CSGALNACT1: variants seen among roughly 807,000 people sequenced by gnomAD.
The protein encoded by CSGALNACT1 is beta4GalNAcT-1.
In CSGALNACT1, 52 loss-of-function variants were observed where a neutral mutation model predicts 51.0. That is an observed-to-expected ratio of 1.02 (90% confidence interval 0.82 to 1.29). CSGALNACT1 has a LOEUF of 1.29. Among genes scored for constraint, CSGALNACT1 ranks in the 50% most tolerant of loss-of-function variants. The pLI is 0.00. For missense variants in CSGALNACT1, 935 were observed against 679.2 expected (o/e 1.38, Z -4.19); for synonymous variants, 341 against 254.4 (o/e 1.34, Z -3.24).
chr8:19,660,258 A>G (rs969643896), intron 1 of CSGALNACT1, among the ~76,000 whole-genome samples: 1 of 152,234 alleles, frequency 6.6e-6, no homozygotes, highest in African/African-American at 2.4e-5. Flanking sequence ...AAAAAAGATG[A>G]GAGGATGGAG....
At chr8:19,607,154 C>CA (rs5889878), upstream of CSGALNACT1, among the ~76,000 whole-genome samples, 820 of 123,928 alleles carry the variant, frequency 6.6e-3, 4 homozygotes, top group Middle Eastern at 0.013. Flanking sequence ...GACTCCGTCT[C>CA]AAAAAAAAAA....
intron 4 of CSGALNACT1, among the ~76,000 whole-genome samples, chr8:19,498,485 C>T (rs2075857979): frequency 1.3e-5 from 2 of 152,196 alleles, no homozygotes; most frequent in Admixed American, 6.5e-5. Flanking sequence ...GCGCTCTTTG[C>T]CTGCCCATCT....
At chr8:19,504,813 T>C (rs2077006474) in intron 4 of CSGALNACT1, among the ~76,000 whole-genome samples, 1 of 152,204 alleles carries the variant, frequency 6.6e-6, no homozygotes, top group Non-Finnish European at 1.5e-5. Flanking sequence ...CTGGCACATG[T>C]AAGTGCAATA....
intron 4 of CSGALNACT1, among the ~76,000 whole-genome samples, chr8:19,463,315 C>G (rs1038879058): frequency 6.6e-6 from 1 of 152,120 alleles, no homozygotes. Flanking sequence ...TCTCTTGCAA[C>G]CTAAGTCCAG....
At chr8:19,586,865 A>G (rs1035345753) in intron 3 of CSGALNACT1, among the ~76,000 whole-genome samples, 1 of 152,204 alleles carries the variant, frequency 6.6e-6, no homozygotes, top group African/African-American at 2.4e-5. Context: ...ACCCTACCAG[A>G]GAGGAATCCA....
chr8:19,722,133 A>C (rs900066173), intron 1 of CSGALNACT1, among the ~76,000 whole-genome samples: 1 of 152,180 alleles, frequency 6.6e-6, no homozygotes, highest in African/African-American at 2.4e-5. Context: ...GCATTTAGTT[A>C]TCTATCTTTT....
intron 4 of CSGALNACT1, among the ~76,000 whole-genome samples, chr8:19,482,976 C>T (rs535101726): frequency 6.6e-6 from 1 of 152,286 alleles, no homozygotes; most frequent in East Asian, 1.9e-4. Context: ...TGAGCTTCAT[C>T]CTTCACACCT....
chr8:19,543,828 A>C lies in CSGALNACT1; in HGVS notation c.-296-37698T>G, dbSNP rs533698199. Among the ~76,000 whole-genome samples, 8 of 152,324 alleles carry C rather than the reference A, an allele frequency of 5.3e-5. No homozygotes were observed. In the South Asian group the frequency reaches 1.7e-3, roughly 32 times the overall value. The stretch of plus-strand genomic sequence containing the variant: ...AATGCTGATCCTGAGTCCTCCTAGT[A>C]GGACTCAAAATGTAGATGGCCTTGG... On this transcript the variant is annotated intron_variant, in intron 3 of 9. Transcript: ENST00000454498.
In CSGALNACT1 at chr8:19,547,139, G is replaced by A. The variant is rs80111181; in HGVS notation, c.-296-41009C>T. 8.4e-3 allele frequency among the ~76,000 whole-genome samples: 1,272 copies of A among 152,206 alleles called. 6 individuals are homozygous for A. The highest frequency in any genetic ancestry group is 0.013 in the Non-Finnish European group (887 of 68,008). On this transcript the variant is annotated intron_variant, in intron 3 of 9. Transcript: ENST00000454498. ...CAGCAAGAAAAAAAGGCCAGGACAC[G>A]AAGGGCTCCATGATGCCACAGGACA...
At chr8:19,513,434 CTCTATATATATATA>C in intron 3 of CSGALNACT1, among the ~76,000 whole-genome samples, 1 of 66,534 alleles carries the variant, frequency 1.5e-5, no homozygotes, top group East Asian at 8.7e-4. Context: ...CTCTCTCTCT[CTCTATATATATATA>C]TATATATATA....
At chr8:19,675,017 A>T (rs186870404) in intron 1 of CSGALNACT1, among the ~76,000 whole-genome samples, 75 of 152,296 alleles carry the variant, frequency 4.9e-4, no homozygotes, top group Admixed American at 1.1e-3. Context: ...TGCTCAATTG[A>T]CATCATCTAG....
At chr8:19,542,872 G>A (rs565835345) in intron 3 of CSGALNACT1, among the ~76,000 whole-genome samples, 1 of 152,102 alleles carries the variant, frequency 6.6e-6, no homozygotes, top group Non-Finnish European at 1.5e-5. Flanking sequence ...AGCATTTTAA[G>A]AAGCCCTTCT....
intron 3 of CSGALNACT1, among the ~76,000 whole-genome samples, chr8:19,566,335 C>T (rs1343851154): frequency 6.6e-6 from 1 of 151,500 alleles, no homozygotes; most frequent in Admixed American, 6.6e-5. Flanking sequence ...TTGTTCTCTC[C>T]TGGAGTCTTC....
At chr8:19,432,118 G>T (rs541495168) in intron 6 of CSGALNACT1, among the ~76,000 whole-genome samples, 17 of 152,192 alleles carry the variant, frequency 1.1e-4, no homozygotes, top group Middle Eastern at 3.4e-3. Flanking sequence ...TCCGCCCCAA[G>T]GACTCCTCTT....
chr8:19,511,306 C>G (rs146953343), intron 3 of CSGALNACT1, among the ~76,000 whole-genome samples: 3 of 152,308 alleles, frequency 2.0e-5, no homozygotes, highest in South Asian at 2.1e-4. Flanking sequence ...AGTGGTAGAC[C>G]AAAGCCCTAA....
intron 3 of CSGALNACT1, among the ~76,000 whole-genome samples, chr8:19,529,574 T>C (rs1412192270): frequency 6.6e-6 from 1 of 152,198 alleles, no homozygotes; most frequent in Admixed American, 6.5e-5. Flanking sequence ...GGAATAGTTA[T>C]CAAATACGTA....
chr8:19,413,149 T>C (rs1039243809), intron 8 of CSGALNACT1, among the ~76,000 whole-genome samples: 1 of 152,190 alleles, frequency 6.6e-6, no homozygotes, highest in African/African-American at 2.4e-5. Flanking sequence ...CTAGGTGTTT[T>C]CATAGAAAAC....
intron 3 of CSGALNACT1, among the ~76,000 whole-genome samples, chr8:19,544,724 A>C (rs2154075210): frequency 6.6e-6 from 1 of 152,318 alleles, no homozygotes; most frequent in South Asian, 2.1e-4. Flanking sequence ...TGAATTAATA[A>C]ACCTCTAGTA....
chr8:19,695,316 ATTCC>A (rs2061531256), intron 1 of CSGALNACT1, among the ~76,000 whole-genome samples: 4 of 152,150 alleles, frequency 2.6e-5, no homozygotes, highest in Non-Finnish European at 4.4e-5. Context: ...GGATGGTTTC[ATTCC>A]TGAAAGCCTA....
Sources: gnomAD v4.1 joint callset for allele counts (sites outside exome capture counted in the v4.1 genomes callset) on GRCh38, gnomAD v4.1.1 for gene constraint, MANE v1.5 for transcripts, NCBI Gene and HGNC (gene_info 2026-07-23, HGNC 2026-07-21) for gene names.